MAL2: variants seen among roughly 807,000 people sequenced by gnomAD.
The protein encoded by MAL2 is protein MAL2.
Under a neutral mutation model 18.1 loss-of-function variants are expected in MAL2, and 17 were observed. The observed-to-expected ratio is 0.94, with a 90% CI of 0.64 to 1.41. MAL2 has a LOEUF of 1.41. Ranked by LOEUF, MAL2 falls within the 40% of genes most tolerant of loss-of-function variation. The pLI is 0.00. For synonymous variants in MAL2, 102 were observed against 102.3 expected, an observed-to-expected ratio of 1.00 and a Z score of 0.02; for missense variants, 222 against 231.9, an observed-to-expected ratio of 0.96 and a Z score of 0.28.
At chr8:119,210,888 A>G (rs148200853) in intron 1 of MAL2, among the ~76,000 whole-genome samples, 1 of 152,044 alleles carries the variant, frequency 6.6e-6, no homozygotes, top group Non-Finnish European at 1.5e-5. Context: ...AATCTCCCCC[A>G]CCCCATTGAA....
In MAL2 at chr8:119,237,618, G is replaced by A. The variant is rs144614692; in HGVS notation, c.304-2547G>A. 7.7e-3 allele frequency among the ~76,000 whole-genome samples: 1,167 copies of A among 151,858 alleles called. 38 individuals carry two copies. Among genetic ancestry groups the A allele is most frequent in the African/African-American group, 0.025 (1,020 of 41,096 alleles). The stretch of plus-strand genomic sequence containing the variant: ...ATCAAGTGGGCTTCATCCCTGGGAT[G>A]CAAGGCTGGTTAAATACATGCAAAT... On this transcript the variant is annotated intron_variant, in intron 2 of 3. Transcript: ENST00000614891.
Position 119,208,815 on chromosome 8 carries a change from C to T in MAL2, c.132+211C>T, listed in dbSNP as rs1292972784. ...ACCTGTTACGCGGGCACCTGCTCCCCCGCGGGCGACGGAAATTGCCTGGGG... is the reference window on the plus strand; with the variant it reads ...ACCTGTTACGCGGGCACCTGCTCCCTCGCGGGCGACGGAAATTGCCTGGGG... On this transcript the variant is annotated intron_variant, in intron 1 of 3. Transcript: ENST00000614891. This position sits in a 1 kb window ranked among gnomAD's most constrained non-coding sequence, Gnocchi z 4.3. The T allele has an allele frequency of 2.8e-6, 2 of 717,704 alleles. No individual in the cohort carries two copies. The highest frequency in any genetic ancestry group is 7.6e-5 in the East Asian group (2 of 26,490). The allele number at this position is 717,704 out of a possible 1,614,324, so 44.5% of individuals were successfully genotyped here. A position where few individuals can be genotyped will look rare whatever the true frequency, so the allele number is the denominator to read the frequency against.
chr8:119,218,071 T>C (rs954769898), intron 1 of MAL2, among the ~76,000 whole-genome samples: 4 of 152,154 alleles, frequency 2.6e-5, no homozygotes, highest in Non-Finnish European at 5.9e-5. Flanking sequence ...TACACCAGTA[T>C]GACAGTCTCA....
chr8:119,244,909 G>A lies in MAL2; in HGVS notation c.*1421G>A, dbSNP rs567222081. 1 of 152,648 alleles carries A rather than the reference G, an allele frequency of 6.6e-6. No individual in the cohort carries two copies. Among genetic ancestry groups the A allele is most frequent in the South Asian group, 2.1e-4 (1 of 4,826 alleles). 9.5% of individuals were successfully genotyped at this position (152,648 alleles called of 1,614,324 possible). On this transcript the variant is annotated 3_prime_UTR_variant, in exon 4 of 4. Coordinates refer to ENST00000614891, the MANE Select transcript of MAL2 (RefSeq NM_052886.3). The stretch of plus-strand genomic sequence containing the variant: ...CCCACCACACGAGGGCTTTTGTATT[G>A]TTCTACTTTTTCAGCCCTTTACTTT...
At chr8:119,221,802 A>G in intron 2 of MAL2, 45 bp downstream of exon 2, 1 of 1,589,924 alleles carries the variant, frequency 6.3e-7, no homozygotes, top group African/African-American at 1.3e-5. Context: ...GATGGGAGAA[A>G]CCTGTATCCT....
At chr8:119,233,222 A>C (rs1405753423) in intron 2 of MAL2, among the ~76,000 whole-genome samples, 1 of 152,222 alleles carries the variant, frequency 6.6e-6, no homozygotes, top group East Asian at 1.9e-4. Context: ...AGAAAGCAGG[A>C]AAGATCCAAA....
intron 2 of MAL2, among the ~76,000 whole-genome samples, chr8:119,233,402 A>C (rs533357616): frequency 5.6e-4 from 85 of 152,192 alleles, no homozygotes; most frequent in Non-Finnish European, 1.1e-3. Flanking sequence ...GTTTTTTGAA[A>C]GGATCAACAA....
chr8:119,236,551 T>A (rs200403683), intron 2 of MAL2, among the ~76,000 whole-genome samples: 1 of 150,724 alleles, frequency 6.6e-6, no homozygotes. Context: ...GAAGTAAAGC[T>A]CTCCTCAGCA....
chr8:119,231,783 A>G (rs1817735158), intron 2 of MAL2, among the ~76,000 whole-genome samples: 3 of 152,234 alleles, frequency 2.0e-5, no homozygotes, highest in African/African-American at 4.8e-5. Flanking sequence ...TGCAATATAG[A>G]TGAACATTGT....
chr8:119,221,869 G>A (rs992536447), intron 2 of MAL2, 112 bp downstream of exon 2: 31 of 1,157,878 alleles, frequency 2.7e-5, no homozygotes, highest in Non-Finnish European at 3.5e-5. Flanking sequence ...GAGAGAAGCG[G>A]TCCAACCACA....
chr8:119,222,321 G>T (rs571183689), intron 2 of MAL2, among the ~76,000 whole-genome samples: 96 of 152,044 alleles, frequency 6.3e-4, no homozygotes, highest in Middle Eastern at 3.4e-3. Flanking sequence ...ATGAGGTCAG[G>T]AGTTCAAGAC....
chr8:119,240,686 T>C (rs1818029571), intron 3 of MAL2, among the ~76,000 whole-genome samples: 1 of 152,202 alleles, frequency 6.6e-6, no homozygotes, highest in Non-Finnish European at 1.5e-5. Context: ...CAATAGCTGC[T>C]TGCAATTTAT....
At chr8:119,234,438 G>A (rs573984504) in intron 2 of MAL2, among the ~76,000 whole-genome samples, 13 of 152,304 alleles carry the variant, frequency 8.5e-5, no homozygotes, top group Non-Finnish European at 1.2e-4. Context: ...CCGGAAGCTC[G>A]AACTGGGTGG....
At position 119,244,742 on chromosome 8, in the gene MAL2, G is replaced by A. The variant is rs1423143239; in HGVS notation, c.*1254G>A. On this transcript the variant is annotated 3_prime_UTR_variant, in exon 4 of 4. Coordinates refer to ENST00000614891, the MANE Select transcript of MAL2 (RefSeq NM_052886.3). ...TTTGCACTGGTGACAGACAAAATCTGTTTTAAAATCATATCCAGCACAAAA... is the reference window on the plus strand; with the variant it reads ...TTTGCACTGGTGACAGACAAAATCTATTTTAAAATCATATCCAGCACAAAA... The A allele has an allele frequency of 6.6e-6, 1 of 152,256 alleles. No individual in the cohort carries two copies. The highest frequency in any genetic ancestry group is 1.9e-4 in the East Asian group (1 of 5,186). The allele number at this position is 152,256 out of a possible 1,614,324, so 9.4% of individuals were successfully genotyped here.
At chr8:119,215,014 G>A (rs2129780275) in intron 1 of MAL2, 1 of 152,838 alleles carries the variant, frequency 6.5e-6, no homozygotes, top group South Asian at 2.1e-4. Flanking sequence ...GGGAGCAGGA[G>A]GCACTGGAAG....
chr8:119,227,926 A>T (rs1300497636), intron 2 of MAL2, among the ~76,000 whole-genome samples: 1 of 152,038 alleles, frequency 6.6e-6, no homozygotes, highest in Non-Finnish European at 1.5e-5. Flanking sequence ...CCTGTTGGTG[A>T]ATCCAAATCT....
At position 119,208,761 on chromosome 8, in the gene MAL2, G is replaced by GCGC; in HGVS notation, c.132+165_132+167dup. 8.7e-7 allele frequency: 1 copy of GCGC among 1,143,046 alleles called. No homozygotes were observed. Among genetic ancestry groups the GCGC allele is most frequent in the South Asian group, 4.4e-5 (1 of 22,500 alleles). The allele number at this position is 1,143,046 out of a possible 1,614,324, so 70.8% of individuals were successfully genotyped here. On this transcript the variant is annotated intron_variant, in intron 1 of 3. Transcript: ENST00000614891. The surrounding 1 kb of genome is among the most constrained non-coding windows in gnomAD (Gnocchi z 4.3). ...CCTCCCGGGGTCCTCTCGGTGCCCC[G>GCGC]CGCCGCCGCCCGGGCCCTCCCTCCT...
intron 3 of MAL2, 33 bp from the exon 4 acceptor site, chr8:119,243,384 A>G: frequency 3.3e-6 from 5 of 1,533,008 alleles, no homozygotes; most frequent in Non-Finnish European, 4.4e-6. Flanking sequence ...GGTGTTGTAA[A>G]TCTGATGTGA....
At chr8:119,227,756 C>A (rs769278954) in intron 2 of MAL2, among the ~76,000 whole-genome samples, 1 of 152,196 alleles carries the variant, frequency 6.6e-6, no homozygotes, top group Non-Finnish European at 1.5e-5. Flanking sequence ...TTCCCATGTG[C>A]CTTTCTTCCT....
Sources: allele counts gnomAD v4.1 joint callset (sites outside exome capture counted in the v4.1 genomes callset), GRCh38; gene constraint gnomAD v4.1.1; non-coding constraint Gnocchi (gnomAD v3.1); transcripts MANE v1.5; gene names NCBI Gene and HGNC (gene_info 2026-07-23, HGNC 2026-07-21).